The following CHRM3 variants were observed in gnomAD, a reference collection of about 807,000 sequenced individuals.
CHRM3 encodes cholinergic receptor muscarinic 3, also known as muscarinic acetylcholine receptor M3.
A neutral mutation model predicts 41.8 loss-of-function variants in CHRM3; 11 were observed. The observed-to-expected ratio is 0.26, with a 90% confidence interval of 0.17 to 0.44. CHRM3 has a LOEUF of 0.44. Ranked by LOEUF, CHRM3 falls within the 20% of genes least tolerant of loss-of-function variation. The pLI is 1.00. For missense variants in CHRM3, 571 were observed against 745.4 expected, an observed-to-expected ratio of 0.77 and a Z score of 2.72; for synonymous variants, 297 against 301.4, an observed-to-expected ratio of 0.99 and a Z score of 0.15.
chr1:239,619,753 G>T (rs6657180), intron 3 of CHRM3, among the ~76,000 whole-genome samples: 38,096 of 151,708 alleles, frequency 0.25, 5,109 homozygotes, highest in African/African-American at 0.28. Context: ...TAACATTGGT[G>T]TGACCCAAAA....
intron 3 of CHRM3, among the ~76,000 whole-genome samples, chr1:239,589,330 A>G (rs901001532): frequency 6.6e-6 from 1 of 151,870 alleles, no homozygotes; most frequent in African/African-American, 2.4e-5. Context: ...TATCTACTAC[A>G]TCTCTCAACT....
intron 6 of CHRM3, among the ~76,000 whole-genome samples, chr1:239,828,777 C>T (rs558069171): frequency 6.6e-6 from 1 of 151,988 alleles, no homozygotes; most frequent in Admixed American, 6.6e-5. Flanking sequence ...TCAGAGGGAC[C>T]CTGTGCTAAG....
chr1:239,750,105 T>C (rs1665685840), intron 5 of CHRM3, among the ~76,000 whole-genome samples: 2 of 152,224 alleles, frequency 1.3e-5, no homozygotes, highest in African/African-American at 4.8e-5. Context: ...TACCACTCTC[T>C]TCTGAACACC....
intron 6 of CHRM3, among the ~76,000 whole-genome samples, chr1:239,896,853 T>C (rs1018991579): frequency 5.7e-4 from 87 of 152,234 alleles, no homozygotes; most frequent in Middle Eastern, 6.8e-3. Context: ...TCACCCTGGG[T>C]TGAAAACCAC....
chr1:239,822,497 A>G (rs1049180074), intron 5 of CHRM3, among the ~76,000 whole-genome samples: 14 of 152,228 alleles, frequency 9.2e-5, no homozygotes, highest in Non-Finnish European at 1.9e-4. Context: ...ATGTGAGCAT[A>G]TTAAAGAATC....
chr1:239,848,371 A>G (rs1674442041), intron 6 of CHRM3, among the ~76,000 whole-genome samples: 1 of 152,168 alleles, frequency 6.6e-6, no homozygotes, highest in African/African-American at 2.4e-5. Flanking sequence ...ACAAATTACA[A>G]TATACTTTAC....
chr1:239,628,236 G>A (rs1479708752), intron 3 of CHRM3, among the ~76,000 whole-genome samples: 1 of 40,912 alleles, frequency 2.4e-5, no homozygotes, highest in Non-Finnish European at 3.9e-5. Flanking sequence ...TTCCCTTCTC[G>A]CTTCATTTCA....
At chr1:239,597,614 C>A (rs1182800114) in intron 3 of CHRM3, among the ~76,000 whole-genome samples, 4 of 152,018 alleles carry the variant, frequency 2.6e-5, no homozygotes, top group Admixed American at 2.6e-4. Flanking sequence ...TGTGTTTACT[C>A]TTTCAACTTT....
At position 239,907,964 on chromosome 1, in the gene CHRM3, G is replaced by C. The variant is rs777700262; in HGVS notation, c.513G>C (p.Thr171=). The change falls in exon 7 of 7, where the codon ACG becomes ACC. Residue 171 remains threonine (T), a synonymous_variant. Coordinates refer to ENST00000676153, the MANE Select transcript of CHRM3 (RefSeq NM_001375978.1). The surrounding 1 kb of genome is among the most constrained non-coding windows in gnomAD (Gnocchi z 5.4). ...VISFDRYFSI[T]RPLTYRAKRT... is the part of the protein sequence containing the mutation. ...GCTTTGACAGATACTTTTCCATCAC[G>C]AGGCCGCTCACGTACCGAGCCAAAC... is the stretch of plus-strand genomic sequence containing the variant. 24 of 1,614,020 alleles carry C rather than the reference G, an allele frequency of 1.5e-5. No individual in the cohort carries two copies. In the Admixed American group the frequency reaches 4.0e-4, roughly 27 times the overall value.
At chr1:239,787,450 A>G (rs1169642569) in intron 5 of CHRM3, among the ~76,000 whole-genome samples, 2 of 152,154 alleles carry the variant, frequency 1.3e-5, no homozygotes, top group African/African-American at 4.8e-5. Context: ...GGAGGGAAGA[A>G]GCCAAGACAT....
intron 1 of CHRM3, among the ~76,000 whole-genome samples, chr1:239,402,473 T>G (rs1039904719): frequency 6.6e-5 from 10 of 152,310 alleles, no homozygotes; most frequent in African/African-American, 2.2e-4. Context: ...TACGGTTCTG[T>G]AACAAGACCT....
At chr1:239,428,846 T>C (rs959284359) in intron 1 of CHRM3, among the ~76,000 whole-genome samples, 6 of 152,246 alleles carry the variant, frequency 3.9e-5, no homozygotes, top group Middle Eastern at 3.2e-3. Context: ...TAATTTTATA[T>C]AGTGTTTCCT....
intron 6 of CHRM3, among the ~76,000 whole-genome samples, chr1:239,853,877 G>A (rs1029845182): frequency 9.9e-5 from 15 of 151,950 alleles, no homozygotes; most frequent in East Asian, 3.9e-4. Context: ...TATCCTTTTC[G>A]TAGTATAAAA....
intron 2 of CHRM3, among the ~76,000 whole-genome samples, chr1:239,533,047 T>G (rs979081192): frequency 2.0e-5 from 3 of 152,212 alleles, no homozygotes; most frequent in African/African-American, 7.2e-5. Context: ...TCATTTCCCT[T>G]TCGATGAGAA....
At chr1:239,638,079 A>C (rs1184079938) in intron 4 of CHRM3, among the ~76,000 whole-genome samples, 1 of 151,540 alleles carries the variant, frequency 6.6e-6, no homozygotes, top group Non-Finnish European at 1.5e-5. Flanking sequence ...ATGTCCCTAC[A>C]AAGGACATGA....
At chr1:239,425,838 T>G (rs1189744181) in intron 1 of CHRM3, among the ~76,000 whole-genome samples, 1 of 152,170 alleles carries the variant, frequency 6.6e-6, no homozygotes, top group Non-Finnish European at 1.5e-5. Context: ...ATTGTGTCGT[T>G]TCAGAAATCT....
At chr1:239,492,529 A>T (rs77514706) in intron 1 of CHRM3, among the ~76,000 whole-genome samples, 180 bp from the exon 2 acceptor site, 4,593 of 152,258 alleles carry the variant, frequency 0.03, 175 homozygotes, top group African/African-American at 0.086. Context: ...AAACAGAGGA[A>T]AATGTTTTTT....
intron 5 of CHRM3, among the ~76,000 whole-genome samples, chr1:239,788,795 A>C (rs1669112074): frequency 6.6e-6 from 1 of 152,092 alleles, no homozygotes; most frequent in Admixed American, 6.6e-5. Flanking sequence ...AAAACAAACA[A>C]GTGATAACCC....
chr1:239,615,432 G>A (rs1240228792), intron 3 of CHRM3, among the ~76,000 whole-genome samples: 1 of 152,100 alleles, frequency 6.6e-6, no homozygotes, highest in Non-Finnish European at 1.5e-5. Flanking sequence ...ACTTCCTTTG[G>A]TCATCTGGCA....
Sources: gnomAD v4.1 joint callset for allele counts (sites outside exome capture counted in the v4.1 genomes callset) on GRCh38, gnomAD v4.1.1 for gene constraint, Gnocchi (gnomAD v3.1) non-coding constraint, MANE v1.5 for transcripts, NCBI Gene and HGNC (gene_info 2026-07-23, HGNC 2026-07-21) for gene names.